Variants in A1CF observed in about 807,000 individuals in gnomAD.
A1CF encodes APOBEC1 complementation factor.
A1CF carries 48 observed loss-of-function variants against 68.9 expected under a neutral mutation model. That is an observed-to-expected ratio of 0.70 (90% CI 0.55 to 0.89). The LOEUF (loss-of-function observed/expected upper bound fraction) is 0.89, where lower values mean the gene tolerates loss of function less well. A1CF is among the 40% of genes least tolerant of loss of function. The pLI is 0.00. For synonymous variants in A1CF, 272 were observed against 260.4 expected, an observed-to-expected ratio of 1.04 and a Z score of -0.43; for missense variants, 653 against 718.9, an observed-to-expected ratio of 0.91 and a Z score of 1.05.
At chr10:50,858,742 C>G (rs969879485) in intron 3 of A1CF, among the ~76,000 whole-genome samples, 2 of 151,964 alleles carry the variant, frequency 1.3e-5, no homozygotes, top group Non-Finnish European at 2.9e-5. Flanking sequence ...AGAAAACCCT[C>G]TTTTCAAAAG....
chr10:50,859,657 AAAG>A (rs2132526013), intron 3 of A1CF, among the ~76,000 whole-genome samples, 182 bp downstream of exon 3: 1 of 152,370 alleles, frequency 6.6e-6, no homozygotes, highest in Non-Finnish European at 1.5e-5. Context: ...CCTAGAGTAG[AAAG>A]AAGGTTACAT....
intron 1 of A1CF, among the ~76,000 whole-genome samples, chr10:50,880,117 T>C (rs1038704979): frequency 2.6e-5 from 4 of 152,166 alleles, no homozygotes; most frequent in African/African-American, 9.7e-5. Context: ...AAACCCAAGC[T>C]GGGGAACCCA....
chr10:50,841,608 A>G lies in A1CF; in HGVS notation c.365+254T>C, dbSNP rs573349291. On this transcript the variant is annotated intron_variant, in intron 5 of 12. Coordinates refer to ENST00000373997, the MANE Select transcript of A1CF (RefSeq NM_014576.4). ...TTCCCAATATTTTGAACAGTGCCCA[A>G]TATATATTTATGAAACAGGCAAATT... Among the ~76,000 whole-genome samples the G allele has an allele frequency of 5.3e-5, 8 of 152,322 alleles. No individual in the cohort carries two copies. The East Asian group carries it at 1.2e-3, about 22-fold the overall frequency.
Position 50,806,817 on chromosome 10 carries a change from AG to A in A1CF, c.1672del (p.Gly559AspfsTer4). The A allele has an allele frequency of 6.2e-7, 1 of 1,613,612 alleles. No homozygotes were observed. Among genetic ancestry groups the A allele is most frequent in the Non-Finnish European group, 8.5e-7 (1 of 1,179,722 alleles). On this transcript the variant is annotated frameshift_variant, in exon 13 of 13. Coordinates refer to ENST00000373997, the MANE Select transcript of A1CF (RefSeq NM_014576.4). LOFTEE classifies it high-confidence loss of function. ...TGTATATGCTGCTAAGTCTTGTCCA[AG>A]GGTTACCGCTTGCTTGAGCTGGGCT... ...SAAQLKQAVT[L>X]GQDLAAYTTY...
intron 10 of A1CF, among the ~76,000 whole-genome samples, chr10:50,812,540 T>C (rs2132323237): frequency 6.6e-6 from 1 of 152,362 alleles, no homozygotes; most frequent in Non-Finnish European, 1.5e-5. Flanking sequence ...ACTATTATTA[T>C]ACAGAATTTG....
intron 10 of A1CF, among the ~76,000 whole-genome samples, chr10:50,813,471 C>T (rs1304372935): frequency 6.6e-6 from 1 of 152,172 alleles, no homozygotes; most frequent in Non-Finnish European, 1.5e-5. Context: ...CCTAAATGGT[C>T]TATTCAGGGC....
At chr10:50,883,919 C>T (rs1413217038) in intron 1 of A1CF, among the ~76,000 whole-genome samples, 1 of 152,184 alleles carries the variant, frequency 6.6e-6, no homozygotes, top group African/African-American at 2.4e-5. Context: ...CATTTATAAA[C>T]TGTTATAATA....
At chr10:50,814,975 A>G (rs1452149429) in intron 9 of A1CF, among the ~76,000 whole-genome samples, 1 of 152,196 alleles carries the variant, frequency 6.6e-6, no homozygotes, top group African/African-American at 2.4e-5. Flanking sequence ...ATGAGTATGA[A>G]ACTTTTAAGG....
chr10:50,832,779 C>G (rs952136448), intron 6 of A1CF, among the ~76,000 whole-genome samples: 1 of 152,068 alleles, frequency 6.6e-6, no homozygotes, highest in African/African-American at 2.4e-5. Context: ...TTTAACAATA[C>G]ACTCTCCTCT....
chr10:50,853,303 T>G (rs1188470417), intron 3 of A1CF, among the ~76,000 whole-genome samples: 1 of 152,302 alleles, frequency 6.6e-6, no homozygotes, highest in African/African-American at 2.4e-5. Context: ...TAAGGAGTAC[T>G]GCCTGTGTGC....
chr10:50,816,158 G>A lies in A1CF; in HGVS notation c.989C>T (p.Ser330Phe), dbSNP rs963906714. The change falls in exon 9 of 13, where the codon TCT becomes TTT. Residue 330 changes from serine (S) to phenylalanine (F), a missense_variant. By Grantham distance (155) the Ser-to-Phe change is radical. Coordinates refer to ENST00000373997, the MANE Select transcript of A1CF (RefSeq NM_014576.4). ...GTMLQGEYTYSLGQVYDPTTT... is the reference protein window; with the variant it reads ...GTMLQGEYTYFLGQVYDPTTT... ...GGTGGGATCATAAACTTGGCCCAAAGAGTAGGTATACTCTCCTTGCAGCAT... is the reference window on the plus strand; with the variant it reads ...GGTGGGATCATAAACTTGGCCCAAAAAGTAGGTATACTCTCCTTGCAGCAT... The A allele has an allele frequency of 1.2e-6, 2 of 1,613,840 alleles. No individual in the cohort carries two copies. Among genetic ancestry groups the A allele is most frequent in the Non-Finnish European group, 1.7e-6 (2 of 1,179,866 alleles).
At chr10:50,865,007 T>A (rs1031747024) in intron 1 of A1CF, among the ~76,000 whole-genome samples, 3 of 152,066 alleles carry the variant, frequency 2.0e-5, no homozygotes, top group Admixed American at 6.6e-5. Flanking sequence ...AAAATTACGA[T>A]GGGGCCGGGT....
chr10:50,840,775 T>C (rs1839738104), intron 5 of A1CF, among the ~76,000 whole-genome samples: 1 of 152,194 alleles, frequency 6.6e-6, no homozygotes, highest in Non-Finnish European at 1.5e-5. Context: ...TCCCCTGGGA[T>C]GTTCAATGTG....
intron 7 of A1CF, among the ~76,000 whole-genome samples, chr10:50,825,641 C>A (rs1220987734): frequency 2.0e-5 from 3 of 152,098 alleles, no homozygotes; most frequent in African/African-American, 7.2e-5. Flanking sequence ...AATGCTCTAC[C>A]TCTCTCAGTG....
At position 50,843,985 on chromosome 10, in the gene A1CF, C is replaced by T; in HGVS notation, c.234+3G>A. ...AAAAATTAAATGTTAAATTTGGACT[C>T]ACTTTTTCACATAATGGTATAAGCT... is the stretch of plus-strand genomic sequence containing the variant. On this transcript the variant is annotated splice_donor_region_variant and intron_variant, in intron 4 of 12. Transcript: ENST00000373997. 1.9e-6 allele frequency: 3 copies of T among 1,612,390 alleles called. No homozygotes were observed. The South Asian group carries it at 3.3e-5, about 18-fold the overall frequency.
chr10:50,850,892 A>G lies in A1CF; in HGVS notation c.100-6770T>C. ...TCCTTAAAGAATGTGTAATTTATTCAATAGGCCCATCTAACTTTTTTGTTT... is the reference window on the plus strand; with the variant it reads ...TCCTTAAAGAATGTGTAATTTATTCGATAGGCCCATCTAACTTTTTTGTTT... On this transcript the variant is annotated intron_variant, in intron 3 of 12. Transcript: ENST00000373997. 3.5e-6 allele frequency: 5 copies of G among 1,435,978 alleles called. No individual in the cohort carries two copies. In the South Asian group the frequency reaches 7.2e-5, roughly 21 times the overall value. 89.0% of individuals were successfully genotyped at this position (1,435,978 alleles called of 1,614,324 possible). A position where few individuals can be genotyped will look rare whatever the true frequency, so the allele number is the denominator to read the frequency against.
chr10:50,853,051 G>A (rs1031073148), intron 3 of A1CF, among the ~76,000 whole-genome samples: 14 of 152,026 alleles, frequency 9.2e-5, no homozygotes, highest in Non-Finnish European at 1.8e-4. Context: ...TGATTTCATT[G>A]AAATTCCATA....
chr10:50,845,448 A>C (rs576280618), intron 3 of A1CF, among the ~76,000 whole-genome samples: 90 of 152,346 alleles, frequency 5.9e-4, no homozygotes, highest in Admixed American at 9.8e-4. Flanking sequence ...CTGCTCTGTC[A>C]TTACTTAATG....
At chr10:50,866,963 T>G (rs1841020733) in intron 1 of A1CF, among the ~76,000 whole-genome samples, 1 of 151,320 alleles carries the variant, frequency 6.6e-6, no homozygotes, top group Non-Finnish European at 1.5e-5. Flanking sequence ...AGTCTTCCCA[T>G]CTCGGCCTCC....
Sources: allele counts gnomAD v4.1 joint callset (sites outside exome capture counted in the v4.1 genomes callset), GRCh38; gene constraint gnomAD v4.1.1; transcripts MANE v1.5; gene names NCBI Gene and HGNC (gene_info 2026-07-23, HGNC 2026-07-21).